The following RGS7 variants were observed in gnomAD, a reference collection of about 807,000 sequenced individuals.
RGS7 encodes the protein regulator of G-protein signaling 7.
In RGS7, 27 loss-of-function variants were observed where a neutral mutation model predicts 81.1. The ratio of observed to expected loss-of-function variants is 0.33; its 90% CI spans 0.25 to 0.46. The LOEUF (loss-of-function observed/expected upper bound fraction) is 0.46, where lower values mean the gene tolerates loss of function less well. Ranked by LOEUF, RGS7 falls within the 20% of genes least tolerant of loss-of-function variation. The pLI, the probability that RGS7 is intolerant of heterozygous loss-of-function variation, is 1.00. For synonymous variants in RGS7, 208 were observed against 207.7 expected (o/e 1.00, Z -0.01); for missense variants, 396 against 607.4 (o/e 0.65, Z 3.66).
chr1:241,331,654 A>G, intron 2 of RGS7, among the ~76,000 whole-genome samples: 1 of 152,194 alleles, frequency 6.6e-6, no homozygotes, highest in East Asian at 1.9e-4. Context: ...CACCTAATGC[A>G]GTATTTCTAA....
At chr1:241,069,229 T>A (rs1407075055) in intron 3 of RGS7, among the ~76,000 whole-genome samples, 1 of 152,258 alleles carries the variant, frequency 6.6e-6, no homozygotes, top group East Asian at 1.9e-4. Flanking sequence ...TTATCAGAGA[T>A]ATATAGGTGT....
At chr1:241,028,252 T>C (rs934677766) in intron 3 of RGS7, among the ~76,000 whole-genome samples, 3 of 152,238 alleles carry the variant, frequency 2.0e-5, no homozygotes, top group Non-Finnish European at 2.9e-5. Flanking sequence ...GATAGAGTTT[T>C]GAATTGGATT....
chr1:240,892,248 T>C (rs1668400761), intron 6 of RGS7, among the ~76,000 whole-genome samples: 1 of 152,194 alleles, frequency 6.6e-6, no homozygotes, highest in Admixed American at 6.5e-5. Flanking sequence ...TTTTAGAATA[T>C]GAAATTAAAA....
intron 4 of RGS7, among the ~76,000 whole-genome samples, chr1:240,940,455 G>C (rs1041934867): frequency 6.6e-6 from 1 of 152,188 alleles, no homozygotes; most frequent in Non-Finnish European, 1.5e-5. Flanking sequence ...GGAATATAGG[G>C]TGGGGCAACA....
At chr1:241,023,574 G>A (rs554343226) in intron 3 of RGS7, among the ~76,000 whole-genome samples, 67 of 152,220 alleles carry the variant, frequency 4.4e-4, no homozygotes, top group African/African-American at 1.5e-3. Context: ...CCTGTGATAC[G>A]CCCCACTCCA....
At chr1:241,105,238 G>A (rs1052209889) in intron 2 of RGS7, among the ~76,000 whole-genome samples, 1 of 152,158 alleles carries the variant, frequency 6.6e-6, no homozygotes, top group African/African-American at 2.4e-5. Context: ...TTTAATGCAA[G>A]AGAGTAAATC....
intron 2 of RGS7, among the ~76,000 whole-genome samples, chr1:241,171,247 T>C (rs2070713273): frequency 6.6e-6 from 1 of 152,224 alleles, no homozygotes; most frequent in Admixed American, 6.5e-5. Flanking sequence ...GTTCATAATG[T>C]TGGAAAAATA....
intron 2 of RGS7, among the ~76,000 whole-genome samples, chr1:241,195,389 T>A (rs890426899): frequency 1.3e-5 from 2 of 151,894 alleles, no homozygotes; most frequent in African/African-American, 2.4e-5. Flanking sequence ...GGCAGAAGAA[T>A]CACTCGAACC....
intron 3 of RGS7, among the ~76,000 whole-genome samples, chr1:241,041,235 T>C (rs1434388651): frequency 6.6e-6 from 1 of 152,216 alleles, no homozygotes; most frequent in Admixed American, 6.5e-5. Flanking sequence ...TGAATTACTC[T>C]CCACCACAAC....
intron 3 of RGS7, among the ~76,000 whole-genome samples, chr1:241,024,870 C>T (rs115235858): frequency 2.0e-5 from 3 of 151,910 alleles, no homozygotes; most frequent in East Asian, 3.9e-4. Context: ...TTATCAAGAA[C>T]GAGAGTAAGT....
chr1:241,176,922 T>G (rs960219917), intron 2 of RGS7, among the ~76,000 whole-genome samples: 1 of 152,124 alleles, frequency 6.6e-6, no homozygotes, highest in African/African-American at 2.4e-5. Context: ...AAAATGGCCA[T>G]GAGTAAAATT....
At chr1:241,079,862 A>G (rs1370680147) in intron 3 of RGS7, among the ~76,000 whole-genome samples, 7 of 148,118 alleles carry the variant, frequency 4.7e-5, no homozygotes, top group African/African-American at 1.8e-4. Flanking sequence ...TTATTTTAGC[A>G]GCCTATAATC....
chr1:240,781,264 A>AT (rs1160290958), intron 18 of RGS7, among the ~76,000 whole-genome samples: 1 of 152,250 alleles, frequency 6.6e-6, no homozygotes, highest in Admixed American at 6.5e-5. Context: ...TGATATTAGC[A>AT]TAACAATGGG....
chr1:241,206,230 C>CTTT lies in RGS7; in HGVS notation c.79-107471_79-107469dup, dbSNP rs35296035. Among the ~76,000 whole-genome samples, 646 of 135,980 alleles carry CTTT rather than the reference C, an allele frequency of 4.8e-3. 12 individuals carry two copies. Among genetic ancestry groups the CTTT allele is most frequent in the African/African-American group, 8.0e-3 (289 of 36,074 alleles). 89.2% of individuals were successfully genotyped at this position (135,980 alleles called of 152,430 possible). A position where few individuals can be genotyped will look rare whatever the true frequency, so the allele number is the denominator to read the frequency against. On this transcript the variant is annotated intron_variant, in intron 2 of 18. Transcript: ENST00000440928. ...TTTGCCCCATGACTTAAAGAATGAA[C>CTTT]TTTTTTTTTTTTTTTTTGAGACAGA...
chr1:241,288,970 C>T (rs565909043), intron 2 of RGS7, among the ~76,000 whole-genome samples: 41 of 152,326 alleles, frequency 2.7e-4, no homozygotes, highest in South Asian at 1.2e-3. Flanking sequence ...TAAACCAAAA[C>T]GACTCGCCTG....
At chr1:241,070,666 C>A (rs930609278) in intron 3 of RGS7, among the ~76,000 whole-genome samples, 1 of 152,158 alleles carries the variant, frequency 6.6e-6, no homozygotes, top group African/African-American at 2.4e-5. Context: ...ATGGGCACAA[C>A]AGCAAACCCA....
At chr1:241,169,191 T>G (rs1007397963) in intron 2 of RGS7, among the ~76,000 whole-genome samples, 4 of 142,780 alleles carry the variant, frequency 2.8e-5, no homozygotes, top group African/African-American at 1.2e-4. Flanking sequence ...ATATGTTATA[T>G]ACATTAACAT....
intron 2 of RGS7, among the ~76,000 whole-genome samples, chr1:241,146,463 C>T (rs1400777401): frequency 6.6e-6 from 1 of 152,148 alleles, no homozygotes; most frequent in Non-Finnish European, 1.5e-5. Flanking sequence ...CAACGCTATG[C>T]TCTGGGCAGA....
chr1:240,827,864 CAA>C (rs57562408), intron 9 of RGS7, among the ~76,000 whole-genome samples: 692 of 52,784 alleles, frequency 0.013, 3 homozygotes, highest in African/African-American at 0.035. Context: ...AACTCCATTG[CAA>C]AAAAAAAAAA....
Sources: gnomAD v4.1 joint callset for allele counts (sites outside exome capture counted in the v4.1 genomes callset) on GRCh38, gnomAD v4.1.1 for gene constraint, MANE v1.5 for transcripts, NCBI Gene and HGNC (gene_info 2026-07-23, HGNC 2026-07-21) for gene names.